The following C2 variants were observed in gnomAD, a reference collection of about 807,000 sequenced individuals.
C2 encodes the protein C3/C5 convertase.
A neutral mutation model predicts 85.2 loss-of-function variants in C2; 64 were observed. The observed-to-expected ratio is 0.75, with a 90% CI of 0.61 to 0.92. C2 has a LOEUF of 0.92. Ranked by LOEUF, C2 falls within the 40% of genes least tolerant of loss-of-function variation. C2 has a pLI of 0.00. For synonymous variants in C2, 311 were observed against 370.8 expected (o/e 0.84, Z 1.85); for missense variants, 820 against 971.6 (o/e 0.84, Z 2.07).
intron 3 of C2, 37 bp from the exon 4 acceptor site, chr6:31,933,573 G>T (rs748253205): frequency 6.2e-7 from 1 of 1,609,758 alleles, no homozygotes; most frequent in South Asian, 1.1e-5. Context: ...TGATGGGAGG[G>T]GGCTACTCAC....
In C2 at chr6:31,931,826, T is replaced by C. The variant is rs1428486457; in HGVS notation, c.443-1784T>C. Among the ~76,000 whole-genome samples, 41 of 139,330 alleles carry C rather than the reference T, an allele frequency of 2.9e-4. No individual in the cohort carries two copies. The South Asian group carries it at 4.0e-3, about 14-fold the overall frequency. 91.4% of individuals were successfully genotyped at this position (139,330 alleles called of 152,430 possible). On this transcript the variant is annotated intron_variant, in intron 3 of 17. Coordinates refer to ENST00000299367, the MANE Select transcript of C2 (RefSeq NM_000063.6). The stretch of plus-strand genomic sequence containing the variant: ...GGCCGGGCAGAGGGGCTCCTCACTT[T>C]CCAGTAGGCGCGGCCGGGCAGAGGC...
At chr6:31,914,320 C>T (rs933498876) in intron 1 of C2, among the ~76,000 whole-genome samples, 8 of 151,406 alleles carry the variant, frequency 5.3e-5, no homozygotes, top group African/African-American at 1.7e-4. Flanking sequence ...TGGCCGGGCG[C>T]GGTGGCTCAC....
intron 7 of C2, chr6:31,936,729 G>A (rs986216033): frequency 1.3e-5 from 2 of 156,266 alleles, no homozygotes; most frequent in Non-Finnish European, 2.8e-5. Context: ...GGCTGGTCTC[G>A]TGATCCTGAC....
chr6:31,918,665 C>T (rs2844451), upstream of C2, among the ~76,000 whole-genome samples: 10,722 of 151,228 alleles, frequency 0.071, 395 homozygotes, highest in African/African-American at 0.1. Flanking sequence ...TTTGGGAGGC[C>T]GAGGTGGGCG....
At chr6:31,905,360 C>G (rs1015949073) in intron 1 of C2, among the ~76,000 whole-genome samples, 6 of 151,482 alleles carry the variant, frequency 4.0e-5, no homozygotes, top group African/African-American at 1.5e-4. Flanking sequence ...ACTGCTTAAG[C>G]CCAGGCAGTT....
intron 1 of C2, among the ~76,000 whole-genome samples, chr6:31,906,897 G>A (rs2151703980): frequency 6.6e-6 from 1 of 152,014 alleles, no homozygotes; most frequent in East Asian, 1.9e-4. Context: ...AGCACTTTGG[G>A]AGGCTGAGGT....
chr6:31,927,886 T>G lies in C2; in HGVS notation c.47-69T>G. On this transcript the variant is annotated intron_variant, in intron 1 of 17. Coordinates refer to ENST00000299367, the MANE Select transcript of C2 (RefSeq NM_000063.6). This position sits in a 1 kb window ranked among gnomAD's most constrained non-coding sequence, Gnocchi z 4.7. ...ATTCCCATGTGTGAAACAGTCTCTT[T>G]TGCTTTCCTTTTCTCATCTGTGTCT... 6.3e-7 allele frequency: 1 copy of G among 1,588,990 alleles called. No individual in the cohort carries two copies. Among genetic ancestry groups the G allele is most frequent in the South Asian group, 1.1e-5 (1 of 90,608 alleles).
chr6:31,925,617 A>C (rs967176043), upstream of C2, among the ~76,000 whole-genome samples: 2 of 152,144 alleles, frequency 1.3e-5, no homozygotes, highest in African/African-American at 2.4e-5. Flanking sequence ...GATATCACCC[A>C]GGGATCTTGG....
intron 7 of C2, 150 bp from the exon 8 acceptor site, chr6:31,937,169 A>T: frequency 1.4e-6 from 1 of 739,182 alleles, no homozygotes; most frequent in Non-Finnish European, 2.3e-6. Flanking sequence ...AGATCACGCC[A>T]CTATACTCTA....
Position 31,935,854 on chromosome 6 carries a change from G to T in C2, c.850-69G>T. Reference sequence around the variant, plus strand: ...TTCTCTGCCTCCTCCAGGGCCCTTTGTTTGCTCTCTTACCATCTCCCCTTT... The same window carrying T: ...TTCTCTGCCTCCTCCAGGGCCCTTTTTTTGCTCTCTTACCATCTCCCCTTT... On this transcript the variant is annotated intron_variant, in intron 6 of 17. Coordinates refer to ENST00000299367, the MANE Select transcript of C2 (RefSeq NM_000063.6). The surrounding 1 kb of genome is among the most constrained non-coding windows in gnomAD (Gnocchi z 4.3). The T allele has an allele frequency of 1.3e-6, 2 of 1,574,966 alleles. No individual in the cohort carries two copies. Among genetic ancestry groups the T allele is most frequent in the Middle Eastern group, 2.0e-4 (1 of 5,034 alleles).
In C2 at chr6:31,932,548, C is replaced by T. The variant is rs9267762; in HGVS notation, c.443-1062C>T. The T allele has an allele frequency of 6.6e-5, 12 of 182,744 alleles. No homozygotes were observed. In the South Asian group the frequency reaches 7.2e-4, roughly 11 times the overall value. 11.3% of individuals were successfully genotyped at this position (182,744 alleles called of 1,614,324 possible). On this transcript the variant is annotated intron_variant, in intron 3 of 17. Coordinates refer to ENST00000299367, the MANE Select transcript of C2 (RefSeq NM_000063.6). ...CAGGGCAGAGACGCTCCTCACTTCC[C>T]AGATGTGATGGCGGCCGGGAAGAGG...
At chr6:31,942,787 G>C (rs530716101) in intron 9 of C2, 172 bp from the exon 10 acceptor site, 220 of 723,032 alleles carry the variant, frequency 3.0e-4, no homozygotes, top group Non-Finnish European at 4.9e-4. Context: ...GCAGGAGAGT[G>C]AAGGGCAGGG....
chr6:31,937,226 C>G, intron 7 of C2, 93 bp from the exon 8 acceptor site: 15 of 1,332,228 alleles, frequency 1.1e-5, no homozygotes, highest in South Asian at 1.1e-4. Flanking sequence ...AAAAAAATTG[C>G]ATTTCCAATA....
upstream of C2, among the ~76,000 whole-genome samples, chr6:31,923,959 C>A (rs1769124443): frequency 1.3e-5 from 2 of 151,142 alleles, no homozygotes; most frequent in South Asian, 4.2e-4. Flanking sequence ...GCCACCGCGC[C>A]CGGCTAATTA....
chr6:31,913,252 G>T (rs1768246222), intron 1 of C2, among the ~76,000 whole-genome samples: 1 of 151,984 alleles, frequency 6.6e-6, no homozygotes, highest in Non-Finnish European at 1.5e-5. Context: ...CTGTAGTCTG[G>T]ATACTTCAGT....
chr6:31,934,135 A>C, intron 5 of C2, 31 bp from the exon 6 acceptor site: 1 of 1,613,202 alleles, frequency 6.2e-7, no homozygotes, highest in Non-Finnish European at 8.5e-7. Context: ...GGAGGTGGGG[A>C]TCTGAATCCT....
intron 2 of C2, 25 bp from the exon 3 acceptor site, chr6:31,928,706 TC>T: frequency 6.2e-7 from 1 of 1,613,462 alleles, no homozygotes; most frequent in Non-Finnish European, 8.5e-7. Context: ...AGTCCTATAT[TC>T]CCCACCCACT....
At position 31,927,887 on chromosome 6, in the gene C2, T is replaced by C; in HGVS notation, c.47-68T>C. The C allele has an allele frequency of 6.3e-7, 1 of 1,590,284 alleles. No individual in the cohort carries two copies. Among genetic ancestry groups the C allele is most frequent in the Non-Finnish European group, 8.6e-7 (1 of 1,158,212 alleles). On this transcript the variant is annotated intron_variant, in intron 1 of 17. Coordinates refer to ENST00000299367, the MANE Select transcript of C2 (RefSeq NM_000063.6). This position sits in a 1 kb window ranked among gnomAD's most constrained non-coding sequence, Gnocchi z 4.7. Reference sequence around the variant, plus strand: ...TTCCCATGTGTGAAACAGTCTCTTTTGCTTTCCTTTTCTCATCTGTGTCTT... The same window carrying C: ...TTCCCATGTGTGAAACAGTCTCTTTCGCTTTCCTTTTCTCATCTGTGTCTT...
In C2 at chr6:31,944,712, C is replaced by A. The variant is rs754649041; in HGVS notation, c.1903-15C>A. On this transcript the variant is annotated splice_polypyrimidine_tract_variant and intron_variant, in intron 15 of 17. Coordinates refer to ENST00000299367, the MANE Select transcript of C2 (RefSeq NM_000063.6). This position sits in a 1 kb window ranked among gnomAD's most constrained non-coding sequence, Gnocchi z 5.1. ...GCTTATTCTACCCTTCTCTCTGGTT[C>A]CACCCCTGCTGCAGTGGACAAGCTG... The A allele has an allele frequency of 6.2e-7, 1 of 1,613,012 alleles. No homozygotes were observed. The highest frequency in any genetic ancestry group is 2.2e-5 in the East Asian group (1 of 44,890).
Sources: gnomAD v4.1 joint callset for allele counts (sites outside exome capture counted in the v4.1 genomes callset) on GRCh38, gnomAD v4.1.1 for gene constraint, Gnocchi (gnomAD v3.1) non-coding constraint, MANE v1.5 for transcripts, NCBI Gene and HGNC (gene_info 2026-07-23, HGNC 2026-07-21) for gene names.